The following DIRAS2 variants were observed in gnomAD, a reference collection of about 807,000 sequenced individuals.
DIRAS2 encodes the protein GTP-binding protein Di-Ras2.
Under a neutral mutation model 13.9 loss-of-function variants are expected in DIRAS2, and 5 were observed. The observed-to-expected ratio is 0.36, with a 90% CI of 0.19 to 0.76. DIRAS2 has a LOEUF of 0.76. DIRAS2 is among the 30% of genes least tolerant of loss of function. DIRAS2 has a pLI of 0.53. For synonymous variants in DIRAS2, 111 were observed against 105.4 expected, an observed-to-expected ratio of 1.05 and a Z score of -0.33; for missense variants, 191 against 263.0, an observed-to-expected ratio of 0.73 and a Z score of 1.89.
chr9:90,614,416 T>C (rs1158889629), intron 1 of DIRAS2, among the ~76,000 whole-genome samples: 8 of 152,000 alleles, frequency 5.3e-5, no homozygotes, highest in Admixed American at 5.2e-4. Context: ...ATTCAGTGTT[T>C]ATATTAACTC....
At chr9:90,621,886 A>T (rs1367128439) in intron 1 of DIRAS2, among the ~76,000 whole-genome samples, 1 of 152,164 alleles carries the variant, frequency 6.6e-6, no homozygotes, top group Non-Finnish European at 1.5e-5. Context: ...AGCATTTAAG[A>T]TTTCCAGCTA....
chr9:90,613,950 T>A lies in DIRAS2; in HGVS notation c.-36-87A>T. On this transcript the variant is annotated intron_variant, in intron 1 of 1. Coordinates refer to ENST00000375765, the MANE Select transcript of DIRAS2 (RefSeq NM_017594.5). The surrounding 1 kb of genome is among the most constrained non-coding windows in gnomAD (Gnocchi z 5.6). ...ATAGCTCTACCCTCTTTTGATAGCT[T>A]AAAAATGGGAGGTGATAACATTTAA... The A allele has an allele frequency of 8.0e-7, 1 of 1,251,614 alleles. No homozygotes were observed. Among genetic ancestry groups the A allele is most frequent in the Non-Finnish European group, 1.1e-6 (1 of 923,234 alleles). 77.5% of individuals were successfully genotyped at this position (1,251,614 alleles called of 1,614,324 possible). A position where few individuals can be genotyped will look rare whatever the true frequency, so the allele number is the denominator to read the frequency against.
intron 1 of DIRAS2, among the ~76,000 whole-genome samples, chr9:90,635,596 A>G (rs905557611): frequency 4.6e-5 from 7 of 152,242 alleles, no homozygotes; most frequent in African/African-American, 1.7e-4. Flanking sequence ...ACATGTTTGG[A>G]GGAAAACATG....
intron 1 of DIRAS2, among the ~76,000 whole-genome samples, chr9:90,616,093 A>G (rs1016808958): frequency 6.6e-6 from 1 of 152,246 alleles, no homozygotes; most frequent in Non-Finnish European, 1.5e-5. Flanking sequence ...ATCCCAATGT[A>G]TCTCAAAGAT....
chr9:90,640,537 T>G (rs1203308890), intron 1 of DIRAS2, among the ~76,000 whole-genome samples: 1 of 152,228 alleles, frequency 6.6e-6, no homozygotes, highest in Admixed American at 6.5e-5. Flanking sequence ...TCGTATTCCC[T>G]TTTGATTGAG....
intron 1 of DIRAS2, among the ~76,000 whole-genome samples, chr9:90,618,297 G>T (rs76543255): frequency 2.3e-3 from 352 of 152,176 alleles, no homozygotes; most frequent in African/African-American, 7.8e-3. Context: ...TTTGACAAGG[G>T]TGTCAATAAA....
In DIRAS2 at chr9:90,613,138, A is replaced by T; in HGVS notation, c.*90T>A. On this transcript the variant is annotated 3_prime_UTR_variant, in exon 2 of 2. Coordinates refer to ENST00000375765, the MANE Select transcript of DIRAS2 (RefSeq NM_017594.5). The surrounding 1 kb of genome is among the most constrained non-coding windows in gnomAD (Gnocchi z 5.6). The stretch of plus-strand genomic sequence containing the variant: ...TAAATGCAATGTTTAACACGTGGGC[A>T]TTATACATGCTACCCTGACGACGGT... The T allele has an allele frequency of 6.6e-7, 1 of 1,516,696 alleles. No individual in the cohort carries two copies. The highest frequency in any genetic ancestry group is 8.9e-7 in the Non-Finnish European group (1 of 1,127,716). The allele number at this position is 1,516,696 out of a possible 1,614,324, so 94.0% of individuals were successfully genotyped here. A position where few individuals can be genotyped will look rare whatever the true frequency, so the allele number is the denominator to read the frequency against.
intron 1 of DIRAS2, among the ~76,000 whole-genome samples, chr9:90,630,855 A>G (rs1825318441): frequency 1.3e-5 from 2 of 152,226 alleles, no homozygotes; most frequent in South Asian, 2.1e-4. Context: ...ATCATCCTAT[A>G]GAGACAGCGT....
intron 1 of DIRAS2, among the ~76,000 whole-genome samples, chr9:90,624,774 C>T (rs187268591): frequency 6.6e-5 from 10 of 151,764 alleles, no homozygotes; most frequent in African/African-American, 9.7e-5. Context: ...TGCAATGGCG[C>T]GATCTCAGCT....
intron 1 of DIRAS2, among the ~76,000 whole-genome samples, chr9:90,642,264 C>G (rs1825425330): frequency 6.6e-6 from 1 of 152,224 alleles, no homozygotes; most frequent in Non-Finnish European, 1.5e-5. Flanking sequence ...TATCATGAAA[C>G]ACATTCTTTA....
chr9:90,622,040 T>G (rs1428242745), intron 1 of DIRAS2, among the ~76,000 whole-genome samples: 1 of 152,062 alleles, frequency 6.6e-6, no homozygotes, highest in Non-Finnish European at 1.5e-5. Flanking sequence ...TTGCTTGAGG[T>G]CAGGAGTTCG....
At position 90,610,334 on chromosome 9, in the gene DIRAS2, A is replaced by G; in HGVS notation, c.*2894T>C. The G allele has an allele frequency of 2.5e-6, 1 of 398,760 alleles. No homozygotes were observed. The highest frequency in any genetic ancestry group is 4.4e-6 in the Non-Finnish European group (1 of 225,972). The allele number at this position is 398,760 out of a possible 1,614,324, so 24.7% of individuals were successfully genotyped here. On this transcript the variant is annotated 3_prime_UTR_variant, in exon 2 of 2. Coordinates refer to ENST00000375765, the MANE Select transcript of DIRAS2 (RefSeq NM_017594.5). ...AAAAATGCAGGAAGATAAATTATATATTTTATATACATGTAATTTTAGATA... is the reference window on the plus strand; with the variant it reads ...AAAAATGCAGGAAGATAAATTATATGTTTTATATACATGTAATTTTAGATA...
intron 1 of DIRAS2, among the ~76,000 whole-genome samples, chr9:90,639,079 A>G (rs1825396111): frequency 6.6e-6 from 1 of 152,194 alleles, no homozygotes; most frequent in Non-Finnish European, 1.5e-5. Context: ...GACATTAATT[A>G]GCTTTAGAAA....
intron 1 of DIRAS2, among the ~76,000 whole-genome samples, chr9:90,624,810 G>A (rs974351214): frequency 1.3e-5 from 2 of 152,044 alleles, no homozygotes; most frequent in Admixed American, 6.5e-5. Flanking sequence ...GGCCTCCCGG[G>A]TTCAAGCGAA....
intron 1 of DIRAS2, among the ~76,000 whole-genome samples, chr9:90,632,555 T>G (rs1450459681): frequency 6.6e-6 from 1 of 152,238 alleles, no homozygotes; most frequent in East Asian, 1.9e-4. Context: ...TTACATTTGT[T>G]TTAGAACATA....
rs1825118617 is a variant in DIRAS2, at chr9:90,611,947, A to T, written c.*1281T>A. 1 of 152,232 alleles carries T rather than the reference A, an allele frequency of 6.6e-6. No individual in the cohort carries two copies. The highest frequency in any genetic ancestry group is 1.5e-5 in the Non-Finnish European group (1 of 68,046). 9.4% of individuals were successfully genotyped at this position (152,232 alleles called of 1,614,324 possible). A position where few individuals can be genotyped will look rare whatever the true frequency, so the allele number is the denominator to read the frequency against. On this transcript the variant is annotated 3_prime_UTR_variant, in exon 2 of 2. Transcript: ENST00000375765. ...CAGAGAAGCCTGCCTGTCTCCAGCC[A>T]CCATCCTATCCCCAAGCTAACACAG...
chr9:90,613,873 G>T lies in DIRAS2; in HGVS notation c.-36-10C>A. ...CTCAGCCAGGACGCACCTAGCAAAG[G>T]AACCAGATGTTTGAAAGAATTAATA... On this transcript the variant is annotated splice_polypyrimidine_tract_variant and intron_variant, in intron 1 of 1. Coordinates refer to ENST00000375765, the MANE Select transcript of DIRAS2 (RefSeq NM_017594.5). This position sits in a 1 kb window ranked among gnomAD's most constrained non-coding sequence, Gnocchi z 5.6. 2 of 1,550,714 alleles carry T rather than the reference G, an allele frequency of 1.3e-6. No homozygotes were observed. The highest frequency in any genetic ancestry group is 2.5e-5 in the South Asian group (2 of 80,384).
rs374281946 is a variant in DIRAS2, at chr9:90,627,091, C to T, written c.-36-13228G>A. On this transcript the variant is annotated intron_variant, in intron 1 of 1. Coordinates refer to ENST00000375765, the MANE Select transcript of DIRAS2 (RefSeq NM_017594.5). ...GGTCATTTAAAATTCTGTGGCATTC[C>T]TCCTCCCCACACCCCCAACTTGCAA... 2.2e-4 allele frequency among the ~76,000 whole-genome samples: 33 copies of T among 152,176 alleles called. No individual in the cohort carries two copies. In the East Asian group the frequency reaches 3.3e-3, roughly 15 times the overall value.
At chr9:90,617,154 TG>T (rs1825177678) in intron 1 of DIRAS2, among the ~76,000 whole-genome samples, 1 of 152,192 alleles carries the variant, frequency 6.6e-6, no homozygotes, top group Non-Finnish European at 1.5e-5. Context: ...GGAGTGAATT[TG>T]GGGTAGCAAG....
Sources: allele counts gnomAD v4.1 joint callset (sites outside exome capture counted in the v4.1 genomes callset), GRCh38; gene constraint gnomAD v4.1.1; non-coding constraint Gnocchi (gnomAD v3.1); transcripts MANE v1.5; gene names NCBI Gene and HGNC (gene_info 2026-07-23, HGNC 2026-07-21).